NALCN: variants seen among roughly 807,000 people sequenced by gnomAD.
NALCN encodes sodium leak channel NALCN.
A neutral mutation model predicts 225.3 loss-of-function variants in NALCN; 111 were observed. The ratio of observed to expected loss-of-function variants is 0.49; its 90% CI spans 0.42 to 0.58. The LOEUF (loss-of-function observed/expected upper bound fraction) is 0.58. Ranked by LOEUF, NALCN falls within the 20% of genes least tolerant of loss-of-function variation. NALCN has a pLI of 0.00. For synonymous variants in NALCN, 764 were observed against 769.0 expected, an observed-to-expected ratio of 0.99 and a Z score of 0.11; for missense variants, 1,378 against 2,202.4, an observed-to-expected ratio of 0.63 and a Z score of 7.49.
intron 14 of NALCN, among the ~76,000 whole-genome samples, chr13:101,188,672 G>T: frequency 7.9e-6 from 1 of 127,108 alleles, no homozygotes; most frequent in East Asian, 2.0e-4. Context: ...GTGTGTGTCT[G>T]TGTGTGTGTA....
chr13:101,376,017 A>G (rs2046680103), intron 6 of NALCN, among the ~76,000 whole-genome samples: 1 of 152,216 alleles, frequency 6.6e-6, no homozygotes, highest in Admixed American at 6.5e-5. Context: ...ATTAAAGTAC[A>G]TACATTCTAT....
intron 35 of NALCN, among the ~76,000 whole-genome samples, chr13:101,075,472 AAAAT>A: frequency 6.7e-6 from 1 of 148,770 alleles, no homozygotes; most frequent in Admixed American, 6.7e-5. Flanking sequence ...AAAAAAAAAA[AAAAT>A]CTGGAATCAT....
rs778726894 is a variant in NALCN at position 101,082,781 on chromosome 13, C to A, written c.3765+28G>T. The A allele has an allele frequency of 3.3e-5, 53 of 1,612,254 alleles. 1 individual carries two copies. The highest frequency in any genetic ancestry group is 1.6e-4 in the Middle Eastern group (1 of 6,076). On this transcript the variant is annotated intron_variant, in intron 33 of 43. Transcript: ENST00000251127. ...TACTTTAAAACTGTGCACAGATTCC[C>A]CCAGAGCTAGCTGACTCATTACAGT...
chr13:101,276,845 T>C (rs1566519747), intron 10 of NALCN, among the ~76,000 whole-genome samples: 3 of 152,104 alleles, frequency 2.0e-5, no homozygotes, highest in African/African-American at 7.2e-5. Context: ...AGGTAAAATA[T>C]GTATGTGCAC....
At chr13:101,068,873 T>C (rs2032634033) in intron 37 of NALCN, 46 bp from the exon 38 acceptor site, 1 of 1,516,752 alleles carries the variant, frequency 6.6e-7, no homozygotes, top group East Asian at 2.4e-5. Flanking sequence ...GAGTAGAGAA[T>C]ACAAATTTCT....
rs1222718638 is a variant in NALCN, at chr13:101,143,103, C to T, written c.2095G>A (p.Asp699Asn). 4 of 1,614,016 alleles carry T rather than the reference C, an allele frequency of 2.5e-6. No individual in the cohort carries two copies. The highest frequency in any genetic ancestry group is 3.4e-6 in the Non-Finnish European group (4 of 1,180,028). ...CDHSKRSAIE[D>N]NKYIDQKLRK... is the part of the protein sequence containing the mutation. The stretch of plus-strand genomic sequence containing the variant: ...ACTTTTTGGTCGATGTATTTGTTGT[C>T]CTCAATTGCTGAGCGTTTGGAGTGG... Residue 699 changes from aspartate (D) to asparagine (N), a missense_variant, in exon 17 of 44, where the codon GAC becomes AAC. Asp to Asn is a conservative substitution (Grantham distance 23, BLOSUM62 1). Transcript: ENST00000251127.
Position 101,176,381 on chromosome 13 carries a change from A to C in NALCN, c.1765-7T>G, listed in dbSNP as rs1366103762. ...CAAACAAACTCAGGAGGATCTATAA[A>C]ATGGTGAAATAACAATGAAAAAACC... On this transcript the variant is annotated splice_region_variant and splice_polypyrimidine_tract_variant and intron_variant, in intron 14 of 43. Transcript: ENST00000251127. 1.3e-6 allele frequency: 2 copies of C among 1,587,372 alleles called. No homozygotes were observed.
intron 1 of NALCN, among the ~76,000 whole-genome samples, chr13:101,405,109 T>G (rs2047578891): frequency 6.6e-6 from 1 of 152,236 alleles, no homozygotes; most frequent in Non-Finnish European, 1.5e-5. Flanking sequence ...CACTAAAATC[T>G]ACATTTGAAC....
At chr13:101,249,487 C>G (rs7982539) in intron 11 of NALCN, among the ~76,000 whole-genome samples, 4 of 151,982 alleles carry the variant, frequency 2.6e-5, no homozygotes, top group Non-Finnish European at 5.9e-5. Context: ...AATAAAATCA[C>G]AGAACTACTA....
chr13:101,085,209 C>T (rs1210129339), intron 30 of NALCN, among the ~76,000 whole-genome samples: 1 of 152,012 alleles, frequency 6.6e-6, no homozygotes, highest in Non-Finnish European at 1.5e-5. Flanking sequence ...GTAAGTTGTA[C>T]ATATTTTCTC....
At chr13:101,219,512 T>C (rs2040858658) in intron 13 of NALCN, among the ~76,000 whole-genome samples, 1 of 152,188 alleles carries the variant, frequency 6.6e-6, no homozygotes, top group Non-Finnish European at 1.5e-5. Context: ...ATGTGTGGGA[T>C]CTTCTTAGAC....
Position 101,055,375 on chromosome 13 carries a change from C to T in NALCN, c.5137G>A (p.Gly1713Ser), listed in dbSNP as rs761020429. 13 of 1,614,002 alleles carry T rather than the reference C, an allele frequency of 8.1e-6. No homozygotes were observed. Among genetic ancestry groups the T allele is most frequent in the South Asian group, 4.4e-5 (4 of 91,072 alleles). ...GTCCACCACTTCTTAACTTCAGAACCGCAGGAAGCCGCGTCAGTCATGGGG... is the reference window on the plus strand; with the variant it reads ...GTCCACCACTTCTTAACTTCAGAACTGCAGGAAGCCGCGTCAGTCATGGGG... Reference protein sequence around the residue: ...MNPMTDAASCGSEVKKWWTRQ... With the variant: ...MNPMTDAASCSSEVKKWWTRQ... The change falls in exon 44 of 44, where the codon GGT becomes AGT. Residue 1713 changes from glycine to serine, a missense_variant. By Grantham distance (56) the Gly-to-Ser change is moderately conservative. Transcript: ENST00000251127.
intron 14 of NALCN, among the ~76,000 whole-genome samples, chr13:101,179,732 T>C (rs2039114513): frequency 6.6e-6 from 1 of 152,082 alleles, no homozygotes; most frequent in Admixed American, 6.5e-5. Context: ...ATGTCCTCCA[T>C]ATGCGCTTCC....
chr13:101,328,616 C>T (rs960510467), intron 7 of NALCN, among the ~76,000 whole-genome samples: 1 of 151,992 alleles, frequency 6.6e-6, no homozygotes, highest in African/African-American at 2.4e-5. Flanking sequence ...ATCTGTGTGA[C>T]CCTATGACTA....
chr13:101,301,801 A>G (rs972135365), intron 7 of NALCN, among the ~76,000 whole-genome samples: 20 of 152,002 alleles, frequency 1.3e-4, no homozygotes, highest in African/African-American at 4.6e-4. Context: ...AGTTCCTAAC[A>G]TTCCAGTCAT....
At chr13:101,062,597 T>C (rs1208248760) in intron 40 of NALCN, among the ~76,000 whole-genome samples, 3 of 152,082 alleles carry the variant, frequency 2.0e-5, no homozygotes, top group Non-Finnish European at 4.4e-5. Flanking sequence ...GTATCTTCCT[T>C]ATTAATTAAT....
intron 6 of NALCN, 26 bp from the exon 7 acceptor site, chr13:101,345,446 G>A (rs770345421): frequency 3.9e-5 from 62 of 1,602,566 alleles, no homozygotes; most frequent in Non-Finnish European, 5.1e-5. Flanking sequence ...GAAAGTGTTA[G>A]ACAATTTCAA....
intron 3 of NALCN, among the ~76,000 whole-genome samples, chr13:101,381,340 G>C (rs1441894816): frequency 6.6e-6 from 1 of 151,976 alleles, no homozygotes; most frequent in African/African-American, 2.4e-5. Flanking sequence ...AATAACGTAA[G>C]GATTTTTTAT....
chr13:101,161,629 T>C (rs1430121740), intron 15 of NALCN, among the ~76,000 whole-genome samples: 2 of 152,214 alleles, frequency 1.3e-5, no homozygotes, highest in African/African-American at 4.8e-5. Flanking sequence ...CCCAGCACTT[T>C]GGGAGGCCAA....
Sources: gnomAD v4.1 joint callset for allele counts (sites outside exome capture counted in the v4.1 genomes callset) on GRCh38, gnomAD v4.1.1 for gene constraint, MANE v1.5 for transcripts, NCBI Gene and HGNC (gene_info 2026-07-23, HGNC 2026-07-21) for gene names.